EVI5: variants seen among roughly 807,000 people sequenced by gnomAD.
The protein encoded by EVI5 is ecotropic viral integration site 5 protein homolog.
A neutral mutation model predicts 112.0 loss-of-function variants in EVI5; 73 were observed. The observed-to-expected ratio is 0.65, with a 90% CI of 0.54 to 0.79. The LOEUF is 0.79. Among genes scored for constraint, EVI5 ranks in the 30% least tolerant of loss-of-function variants. The pLI is 0.00. For missense variants in EVI5, 900 were observed against 968.8 expected, an observed-to-expected ratio of 0.93 and a Z score of 0.94; for synonymous variants, 305 against 319.9, an observed-to-expected ratio of 0.95 and a Z score of 0.50.
intron 9 of EVI5, among the ~76,000 whole-genome samples, chr1:92,687,080 G>A (rs1338825091): frequency 2.0e-5 from 3 of 152,056 alleles, no homozygotes; most frequent in Middle Eastern, 3.4e-3. Flanking sequence ...CCACATTGCC[G>A]AAACAATCCT....
intron 18 of EVI5, among the ~76,000 whole-genome samples, chr1:92,570,466 A>C (rs1463706213): frequency 1.3e-5 from 2 of 152,216 alleles, no homozygotes; most frequent in Admixed American, 6.5e-5. Flanking sequence ...TCCAACTTGG[A>C]GAAAAGTATC....
intron 16 of EVI5, among the ~76,000 whole-genome samples, chr1:92,618,557 G>A (rs1653760760): frequency 6.6e-6 from 1 of 152,134 alleles, no homozygotes; most frequent in Non-Finnish European, 1.5e-5. Flanking sequence ...GTATTACCAT[G>A]CCCTGTGATT....
At chr1:92,678,665 ATG>A (rs1667123259) in intron 9 of EVI5, among the ~76,000 whole-genome samples, 1 of 152,184 alleles carries the variant, frequency 6.6e-6, no homozygotes, top group Non-Finnish European at 1.5e-5. Flanking sequence ...CTTTATAAAA[ATG>A]TATAGGCCAC....
At chr1:92,535,760 G>C (rs1257938160) in intron 19 of EVI5, among the ~76,000 whole-genome samples, 2 of 152,070 alleles carry the variant, frequency 1.3e-5, no homozygotes, top group Admixed American at 1.3e-4. Context: ...GGCCTGTCGT[G>C]GGGTGGGGGG....
chr1:92,670,820 AC>A (rs1429751930), intron 10 of EVI5, among the ~76,000 whole-genome samples: 1 of 152,030 alleles, frequency 6.6e-6, no homozygotes, highest in Non-Finnish European at 1.5e-5. Context: ...AGCTCCCAAA[AC>A]CACATCCTAC....
intron 1 of EVI5, among the ~76,000 whole-genome samples, chr1:92,781,512 T>C (rs1270346021): frequency 6.6e-6 from 1 of 151,932 alleles, no homozygotes; most frequent in Non-Finnish European, 1.5e-5. Context: ...AAAAAATTTT[T>C]TTTGCAAAAA....
chr1:92,719,827 C>T (rs1157622803), intron 2 of EVI5, among the ~76,000 whole-genome samples: 1 of 152,080 alleles, frequency 6.6e-6, no homozygotes, highest in Non-Finnish European at 1.5e-5. Flanking sequence ...TCTCCTTAAG[C>T]TGATAAGCAA....
intron 19 of EVI5, among the ~76,000 whole-genome samples, chr1:92,540,998 C>T (rs550047405): frequency 1.5e-4 from 23 of 152,146 alleles, no homozygotes; most frequent in Middle Eastern, 3.4e-3. Flanking sequence ...TGCTTGGCCC[C>T]GGGAGGCGGA....
At chr1:92,673,953 G>A (rs1666290566) in intron 10 of EVI5, among the ~76,000 whole-genome samples, 1 of 152,024 alleles carries the variant, frequency 6.6e-6, no homozygotes, top group Admixed American at 6.6e-5. Flanking sequence ...CAACATCAAA[G>A]GCTAATTTTA....
intron 18 of EVI5, among the ~76,000 whole-genome samples, chr1:92,564,594 G>C (rs1032921961): frequency 1.1e-4 from 16 of 152,088 alleles, no homozygotes; most frequent in African/African-American, 3.4e-4. Context: ...TGAGCACTGG[G>C]ACTATTTTCT....
intron 1 of EVI5, among the ~76,000 whole-genome samples, chr1:92,740,871 T>C (rs1021176382): frequency 6.6e-6 from 1 of 152,208 alleles, no homozygotes; most frequent in East Asian, 1.9e-4. Flanking sequence ...TTAGACTTAG[T>C]ACTGAAAGCC....
At chr1:92,721,527 A>T (rs1048675537) in intron 2 of EVI5, among the ~76,000 whole-genome samples, 5 of 152,104 alleles carry the variant, frequency 3.3e-5, no homozygotes, top group African/African-American at 1.2e-4. Flanking sequence ...GTGCCTGTCA[A>T]GGGGTGGAGG....
intron 19 of EVI5, among the ~76,000 whole-genome samples, chr1:92,555,931 A>C (rs1049883814): frequency 1.8e-4 from 28 of 152,072 alleles, no homozygotes; most frequent in African/African-American, 6.5e-4. Flanking sequence ...AAAGAAAAAA[A>C]ATAGCTGCCA....
intron 18 of EVI5, among the ~76,000 whole-genome samples, chr1:92,591,633 A>G (rs1166869001): frequency 1.3e-5 from 2 of 152,202 alleles, no homozygotes. Flanking sequence ...AGATCTACAA[A>G]AAGACTTAGA....
chr1:92,543,829 G>A (rs1436735061), intron 19 of EVI5, among the ~76,000 whole-genome samples: 1 of 152,160 alleles, frequency 6.6e-6, no homozygotes, highest in African/African-American at 2.4e-5. Flanking sequence ...ACACGCTGTT[G>A]GAAAAACGGC....
intron 1 of EVI5, among the ~76,000 whole-genome samples, chr1:92,759,590 A>T (rs1681485527): frequency 6.6e-6 from 1 of 152,202 alleles, no homozygotes; most frequent in Non-Finnish European, 1.5e-5. Flanking sequence ...CTTTTTCATC[A>T]TCCCCAACAG....
At chr1:92,747,728 C>A (rs980939) in intron 1 of EVI5, among the ~76,000 whole-genome samples, 114,468 of 127,476 alleles carry the variant, frequency 0.9, 51,582 homozygotes, top group East Asian at 0.97. Flanking sequence ...AAAAAAAAAA[C>A]AAAAAAAAAA....
intron 2 of EVI5, among the ~76,000 whole-genome samples, chr1:92,730,865 AAAT>A (rs1457789993): frequency 6.6e-6 from 1 of 152,156 alleles, no homozygotes; most frequent in Non-Finnish European, 1.5e-5. Flanking sequence ...TCAAGAAAAT[AAAT>A]AAAAGGCATC....
intron 2 of EVI5, among the ~76,000 whole-genome samples, chr1:92,719,195 T>A (rs982625626): frequency 2.0e-5 from 3 of 152,108 alleles, no homozygotes; most frequent in Non-Finnish European, 4.4e-5. Flanking sequence ...ACTCATTTTC[T>A]GAGGCCAGCA....
Sources: gnomAD v4.1 joint callset for allele counts (sites outside exome capture counted in the v4.1 genomes callset) on GRCh38, gnomAD v4.1.1 for gene constraint, MANE v1.5 for transcripts, NCBI Gene and HGNC (gene_info 2026-07-23, HGNC 2026-07-21) for gene names.